The following TBC1D19 variants were observed in gnomAD, a reference collection of about 807,000 sequenced individuals.
The protein encoded by TBC1D19 is TBC1 domain family member 19.
A neutral mutation model predicts 89.0 loss-of-function variants in TBC1D19; 60 were observed. The ratio of observed to expected loss-of-function variants is 0.67; its 90% CI spans 0.55 to 0.84. TBC1D19 has a LOEUF of 0.84. Ranked by LOEUF, TBC1D19 falls within the 40% of genes least tolerant of loss-of-function variation. The pLI is 0.00. For synonymous variants in TBC1D19, 189 were observed against 199.7 expected (o/e 0.95, Z 0.45); for missense variants, 500 against 610.8 (o/e 0.82, Z 1.91).
chr4:26,651,238 T>C (rs1744353722), intron 7 of TBC1D19, among the ~76,000 whole-genome samples: 1 of 152,220 alleles, frequency 6.6e-6, no homozygotes, highest in Admixed American at 6.5e-5. Flanking sequence ...GGTAGTATTT[T>C]CCAATTCTGT....
chr4:26,626,539 G>A (rs915943803), intron 4 of TBC1D19, among the ~76,000 whole-genome samples: 24 of 152,102 alleles, frequency 1.6e-4, no homozygotes, highest in African/African-American at 5.3e-4. Context: ...TGAGAAAGTG[G>A]TAGAGCTGAG....
At chr4:26,708,074 G>A (rs1715873492) in intron 13 of TBC1D19, among the ~76,000 whole-genome samples, 1 of 152,028 alleles carries the variant, frequency 6.6e-6, no homozygotes, top group African/African-American at 2.4e-5. Context: ...GCCCATGTGT[G>A]TTTTTTAAAG....
At chr4:26,598,120 ATT>A (rs1740349272) in intron 1 of TBC1D19, among the ~76,000 whole-genome samples, 1 of 152,192 alleles carries the variant, frequency 6.6e-6, no homozygotes, top group Non-Finnish European at 1.5e-5. Flanking sequence ...AATATTATTC[ATT>A]CTTAACCATA....
In TBC1D19 at chr4:26,732,854, T is replaced by A. The variant is rs1039205961; in HGVS notation, c.1085-2601T>A. Among the ~76,000 whole-genome samples, 4 of 152,156 alleles carry A rather than the reference T, an allele frequency of 2.6e-5. No homozygotes were observed. The East Asian group carries it at 7.7e-4, about 29-fold the overall frequency. On this transcript the variant is annotated intron_variant, in intron 15 of 20. Coordinates refer to ENST00000264866, the MANE Select transcript of TBC1D19 (RefSeq NM_018317.4). ...AAAAAGGATACATCCTCCTCTGGGC[T>A]GTAAGTGAGAAAACATGAAATATGA...
At chr4:26,696,219 A>G (rs1040778487) in intron 13 of TBC1D19, among the ~76,000 whole-genome samples, 1 of 152,236 alleles carries the variant, frequency 6.6e-6, no homozygotes, top group African/African-American at 2.4e-5. Flanking sequence ...CTAGTCTCTG[A>G]TAAAACAGAC....
chr4:26,652,193 G>A (rs1744441188), intron 7 of TBC1D19, among the ~76,000 whole-genome samples: 2 of 152,042 alleles, frequency 1.3e-5, no homozygotes, highest in African/African-American at 4.8e-5. Flanking sequence ...TTGTGTCTCT[G>A]CCAGGCTTTG....
intron 4 of TBC1D19, among the ~76,000 whole-genome samples, chr4:26,632,705 A>T (rs1031599226): frequency 6.6e-6 from 1 of 152,050 alleles, no homozygotes; most frequent in African/African-American, 2.4e-5. Context: ...AAATATTTCT[A>T]TATGGTTCCA....
At chr4:26,606,413 AG>A (rs1741006609) in intron 1 of TBC1D19, among the ~76,000 whole-genome samples, 2 of 152,236 alleles carry the variant, frequency 1.3e-5, no homozygotes, top group Admixed American at 1.3e-4. Context: ...ATCTTCAAAT[AG>A]GAAGCTATCT....
chr4:26,699,862 T>C (rs1246769246), intron 13 of TBC1D19, among the ~76,000 whole-genome samples: 1 of 150,166 alleles, frequency 6.7e-6, no homozygotes, highest in Non-Finnish European at 1.5e-5. Flanking sequence ...GGGGCCTGTT[T>C]TGGGGTGGGG....
At chr4:26,719,370 C>T (rs1716839274) in intron 14 of TBC1D19, among the ~76,000 whole-genome samples, 1 of 151,918 alleles carries the variant, frequency 6.6e-6, no homozygotes, top group African/African-American at 2.4e-5. Flanking sequence ...CTTTTTTTAA[C>T]TAAAAATATT....
chr4:26,595,983 G>C (rs991157926), intron 1 of TBC1D19, among the ~76,000 whole-genome samples: 1 of 152,028 alleles, frequency 6.6e-6, no homozygotes, highest in Admixed American at 6.6e-5. Flanking sequence ...TTGAGAGAGA[G>C]TGTCACTTTG....
Position 26,620,627 on chromosome 4 carries a change from G to T in TBC1D19, c.233G>T (p.Ser78Ile). Reference sequence around the variant, plus strand: ...TTTGCTCCTAGGTTTCCTTTACCTAGTCATCCTGCTGCACCTCCTGAACAT... The same window carrying T: ...TTTGCTCCTAGGTTTCCTTTACCTATTCATCCTGCTGCACCTCCTGAACAT... The part of the protein sequence containing the change: ...YSELSVFPLP[S>I]HPAAPPEHLK... The change falls in exon 4 of 21, where the codon AGT (serine) becomes ATT (isoleucine). Residue 78 changes from serine (S) to isoleucine (I), a missense_variant. Around this residue, in one of 2 missense-constraint regions of TBC1D19, gnomAD observed 280 missense variants for 291.7 expected, o/e 0.96. Transcript: ENST00000264866. 6.2e-7 allele frequency: 1 copy of T among 1,613,684 alleles called. No individual in the cohort carries two copies. Among genetic ancestry groups the T allele is most frequent in the Non-Finnish European group, 8.5e-7 (1 of 1,179,816 alleles).
chr4:26,582,272 G>C (rs75548972), upstream of TBC1D19, among the ~76,000 whole-genome samples: 965 of 152,106 alleles, frequency 6.3e-3, 8 homozygotes, highest in African/African-American at 0.022. Context: ...TCCTTAGTTG[G>C]ATATTTTACA....
intron 3 of TBC1D19, among the ~76,000 whole-genome samples, chr4:26,617,694 A>G (rs1295301944): frequency 6.6e-6 from 1 of 152,230 alleles, no homozygotes; most frequent in Non-Finnish European, 1.5e-5. Flanking sequence ...TACATGCAAA[A>G]TGAAAATAGA....
chr4:26,771,016 G>GA, the TBC1D19 span, among the ~76,000 whole-genome samples: 140,225 of 152,156 alleles, frequency 0.92, 64,671 homozygotes, highest in East Asian at 0.98. Context: ...TAGAAAAGGG[G>GA]AAGATCTCAC....
At chr4:26,714,547 T>C (rs540315845) in intron 13 of TBC1D19, among the ~76,000 whole-genome samples, 3 of 152,096 alleles carry the variant, frequency 2.0e-5, no homozygotes, top group Admixed American at 6.6e-5. Context: ...GTTTTCCTCT[T>C]ACTTTTCTAG....
At chr4:26,762,999 A>T in the TBC1D19 span, among the ~76,000 whole-genome samples, 2 of 152,204 alleles carry the variant, frequency 1.3e-5, no homozygotes, top group African/African-American at 2.4e-5. Flanking sequence ...TGTGGGTCAT[A>T]GTTTGTGACA....
chr4:26,627,158 C>T (rs556654220), intron 4 of TBC1D19, among the ~76,000 whole-genome samples: 112 of 151,504 alleles, frequency 7.4e-4, no homozygotes, highest in Non-Finnish European at 1.3e-3. Flanking sequence ...TTTGTCCTTG[C>T]GATAGTTTAC....
At chr4:26,779,753 A>G in the TBC1D19 span, among the ~76,000 whole-genome samples, 2 of 152,224 alleles carry the variant, frequency 1.3e-5, no homozygotes, top group East Asian at 3.9e-4. Context: ...AGATCCATTC[A>G]TGACACACAA....
Sources: allele counts gnomAD v4.1 joint callset (sites outside exome capture counted in the v4.1 genomes callset), GRCh38; gene constraint gnomAD v4.1.1; regional missense constraint gnomAD v4.1.1; transcripts MANE v1.5; gene names NCBI Gene and HGNC (gene_info 2026-07-23, HGNC 2026-07-21).